The following PTPRK variants were observed in gnomAD, a reference collection of about 807,000 sequenced individuals.
PTPRK encodes the protein protein tyrosine phosphatase receptor type K.
A neutral mutation model predicts 178.0 loss-of-function variants in PTPRK; 75 were observed. The observed-to-expected ratio is 0.42, with a 90% CI of 0.35 to 0.51. The LOEUF is 0.51. Among genes scored for constraint, PTPRK ranks in the 20% least tolerant of loss-of-function variants. The pLI, the probability that PTPRK is intolerant of heterozygous loss-of-function variation, is 0.02. For missense variants in PTPRK, 1,441 were observed against 1,797.8 expected, an observed-to-expected ratio of 0.80 and a Z score of 3.59; for synonymous variants, 637 against 620.6, an observed-to-expected ratio of 1.03 and a Z score of -0.39.
At chr6:128,498,993 G>A (rs535227298) in intron 1 of PTPRK, among the ~76,000 whole-genome samples, 4 of 152,030 alleles carry the variant, frequency 2.6e-5, no homozygotes, top group Non-Finnish European at 5.9e-5. Flanking sequence ...GTATTTCAAC[G>A]TAAATTTTAA....
chr6:128,351,472 T>A (rs990607523), intron 2 of PTPRK, among the ~76,000 whole-genome samples: 1 of 152,098 alleles, frequency 6.6e-6, no homozygotes, highest in African/African-American at 2.4e-5. Context: ...AGAAAAAATA[T>A]CATAAAATAC....
chr6:128,176,140 G>T (rs1801034259), intron 7 of PTPRK, among the ~76,000 whole-genome samples: 1 of 151,848 alleles, frequency 6.6e-6, no homozygotes, highest in South Asian at 2.1e-4. Flanking sequence ...CCTCTTAAAA[G>T]GAGAGTGTGT....
chr6:128,220,195 A>C (rs1264140710), intron 5 of PTPRK, among the ~76,000 whole-genome samples: 1 of 152,218 alleles, frequency 6.6e-6, no homozygotes, highest in Non-Finnish European at 1.5e-5. Flanking sequence ...AATAGTGATA[A>C]GTCATTTGTC....
At chr6:128,277,827 C>T (rs1289485770) in intron 3 of PTPRK, among the ~76,000 whole-genome samples, 1 of 150,640 alleles carries the variant, frequency 6.6e-6, no homozygotes, top group Non-Finnish European at 1.5e-5. Context: ...GTACCTGGCC[C>T]ATCTGAGGTA....
At chr6:128,272,575 A>G (rs1166488034) in intron 3 of PTPRK, among the ~76,000 whole-genome samples, 1 of 152,256 alleles carries the variant, frequency 6.6e-6, no homozygotes, top group Non-Finnish European at 1.5e-5. Context: ...TCTCAAAAGA[A>G]GACATTTATG....
intron 7 of PTPRK, among the ~76,000 whole-genome samples, chr6:128,123,438 G>T (rs1344600184): frequency 6.6e-6 from 1 of 152,122 alleles, no homozygotes; most frequent in African/African-American, 2.4e-5. Flanking sequence ...GGTCAGGCCT[G>T]CATGTACACA....
chr6:128,392,931 G>T (rs895658392), intron 2 of PTPRK, among the ~76,000 whole-genome samples: 1 of 152,032 alleles, frequency 6.6e-6, no homozygotes, highest in African/African-American at 2.4e-5. Flanking sequence ...GGGTATTTTT[G>T]AATTCAATTA....
chr6:128,249,731 G>C (rs1217233540), intron 3 of PTPRK, among the ~76,000 whole-genome samples: 1 of 152,122 alleles, frequency 6.6e-6, no homozygotes. Context: ...CTTGAAAGTG[G>C]AGAGAGCAAC....
At chr6:128,463,408 C>A (rs1378027306) in intron 1 of PTPRK, among the ~76,000 whole-genome samples, 1 of 152,134 alleles carries the variant, frequency 6.6e-6, no homozygotes, top group East Asian at 1.9e-4. Context: ...AACTGGGGGT[C>A]TCTGCTTACA....
At chr6:128,026,707 T>C (rs891040775) in intron 13 of PTPRK, among the ~76,000 whole-genome samples, 1 of 152,150 alleles carries the variant, frequency 6.6e-6, no homozygotes, top group African/African-American at 2.4e-5. Flanking sequence ...ATATAAGAAG[T>C]ATTCTTTTTG....
At chr6:128,107,805 T>C (rs1224531976) in intron 7 of PTPRK, among the ~76,000 whole-genome samples, 1 of 152,152 alleles carries the variant, frequency 6.6e-6, no homozygotes, top group East Asian at 1.9e-4. Context: ...ATCTGCATCA[T>C]TGGACAAGGA....
intron 2 of PTPRK, among the ~76,000 whole-genome samples, chr6:128,374,317 C>T (rs1836713850): frequency 6.6e-6 from 1 of 152,156 alleles, no homozygotes; most frequent in Admixed American, 6.6e-5. Context: ...TTCATCCAGT[C>T]TCATGGTTTC....
At chr6:128,048,221 A>G (rs950752215) in intron 13 of PTPRK, among the ~76,000 whole-genome samples, 4 of 152,184 alleles carry the variant, frequency 2.6e-5, no homozygotes, top group Non-Finnish European at 5.9e-5. Flanking sequence ...ACTCATTAGA[A>G]ATGCAAATTC....
At chr6:128,428,969 T>C (rs911675649) in intron 1 of PTPRK, among the ~76,000 whole-genome samples, 2 of 152,204 alleles carry the variant, frequency 1.3e-5, no homozygotes, top group African/African-American at 2.4e-5. Context: ...ATAAGCTAGG[T>C]TGTAATTTTC....
intron 3 of PTPRK, among the ~76,000 whole-genome samples, chr6:128,297,361 T>C (rs1824653014): frequency 6.6e-6 from 1 of 152,198 alleles, no homozygotes; most frequent in African/African-American, 2.4e-5. Flanking sequence ...AACTCAGCTC[T>C]GCACTAGGCA....
intron 8 of PTPRK, among the ~76,000 whole-genome samples, chr6:128,086,113 T>C (rs1027244415): frequency 6.6e-6 from 1 of 152,190 alleles, no homozygotes; most frequent in Non-Finnish European, 1.5e-5. Flanking sequence ...GGAAACAGAA[T>C]GCTGACTTTT....
intron 3 of PTPRK, among the ~76,000 whole-genome samples, chr6:128,257,092 T>A (rs937866342): frequency 6.6e-6 from 1 of 151,680 alleles, no homozygotes; most frequent in African/African-American, 2.4e-5. Context: ...TAGCCAGGCA[T>A]GGTGGCACAT....
In PTPRK at chr6:128,395,177, G is replaced by GA. The variant is rs575591898; in HGVS notation, c.223+2388dup. On this transcript the variant is annotated intron_variant, in intron 2 of 29. Coordinates refer to ENST00000368226, the MANE Select transcript of PTPRK (RefSeq NM_002844.4). Reference sequence around the variant, plus strand: ...TTTAAAGGAATATCAGAAGGAAAATGAAAAAAATAGTATCTATTATAAAAA... The same window carrying GA: ...TTTAAAGGAATATCAGAAGGAAAATGAAAAAAAATAGTATCTATTATAAAAA... 3.5e-4 allele frequency among the ~76,000 whole-genome samples: 53 copies of GA among 151,976 alleles called. 1 individual carries two copies. The highest frequency in any genetic ancestry group is 1.1e-3 in the African/African-American group (46 of 41,492).
At position 128,407,078 on chromosome 6, in the gene PTPRK, C is replaced by T. The variant is rs147550375; in HGVS notation, c.101-9390G>A. ...TCTGCTTCCAACTACTACTTAGAAA[C>T]GTGTGTCAATTAATTTGAAAATTTC... is the stretch of plus-strand genomic sequence containing the variant. On this transcript the variant is annotated intron_variant, in intron 1 of 29. Coordinates refer to ENST00000368226, the MANE Select transcript of PTPRK (RefSeq NM_002844.4). Among the ~76,000 whole-genome samples, 19 of 152,246 alleles carry T rather than the reference C, an allele frequency of 1.2e-4. No individual in the cohort carries two copies. The East Asian group carries it at 1.4e-3, about 11-fold the overall frequency.
Sources: gnomAD v4.1 joint callset for allele counts (sites outside exome capture counted in the v4.1 genomes callset) on GRCh38, gnomAD v4.1.1 for gene constraint, MANE v1.5 for transcripts, NCBI Gene and HGNC (gene_info 2026-07-23, HGNC 2026-07-21) for gene names.